The following CACNA1E variants were observed in gnomAD, a reference collection of about 807,000 sequenced individuals.
The protein encoded by CACNA1E is calcium voltage-gated channel subunit alpha1 E, also known as voltage-dependent R-type calcium channel subunit alpha-1E.
A neutral mutation model predicts 259.2 loss-of-function variants in CACNA1E; 40 were observed. That is an observed-to-expected ratio of 0.15 (90% CI 0.12 to 0.20). The LOEUF is 0.20. Among genes scored for constraint, CACNA1E ranks in the 10% least tolerant of loss-of-function variants. CACNA1E has a pLI of 1.00. For synonymous variants in CACNA1E, 1,104 were observed against 1,138.5 expected, an observed-to-expected ratio of 0.97 and a Z score of 0.61; for missense variants, 1,874 against 3,040.1, an observed-to-expected ratio of 0.62 and a Z score of 9.02.
At chr1:181,546,814 G>A (rs748249557) in intron 3 of CACNA1E, among the ~76,000 whole-genome samples, 4 of 152,218 alleles carry the variant, frequency 2.6e-5, no homozygotes, top group Non-Finnish European at 5.9e-5. Flanking sequence ...AAACCCAGGG[G>A]ATTTGGTGTC....
At chr1:181,466,037 A>C (rs892455092) in intron 2 of CACNA1E, among the ~76,000 whole-genome samples, 57 of 152,154 alleles carry the variant, frequency 3.7e-4, no homozygotes, top group African/African-American at 1.4e-3. Flanking sequence ...CACAATCCTG[A>C]GTTTTGATTT....
At chr1:181,578,951 T>G (rs1651248649) in intron 4 of CACNA1E, 121 bp from the exon 5 acceptor site, 2 of 775,992 alleles carry the variant, frequency 2.6e-6, no homozygotes, top group African/African-American at 3.5e-5. Flanking sequence ...TTCTAATAAA[T>G]TTAATCTATC....
Position 181,733,632 on chromosome 1 carries a change from G to A in CACNA1E, c.3144G>A (p.Gln1048=). ...VQLDMGRVIS[Q]SEPDLSCITA... is the part of the protein sequence containing the mutation. ...TAGACATGGGCCGGGTCATCAGCCAGAGCGAGCCTGACCTCTCCTGCATCA... is the reference window on the plus strand; with the variant it reads ...TAGACATGGGCCGGGTCATCAGCCAAAGCGAGCCTGACCTCTCCTGCATCA... The change falls in exon 21 of 48, where the codon CAG becomes CAA. Residue 1048 remains glutamine, a synonymous_variant. Transcript: ENST00000367573. 1 of 1,613,218 alleles carries A rather than the reference G, an allele frequency of 6.2e-7. No individual in the cohort carries two copies. The highest frequency in any genetic ancestry group is 8.5e-7 in the Non-Finnish European group (1 of 1,179,608).
chr1:181,609,839 G>A (rs559763767), intron 6 of CACNA1E, among the ~76,000 whole-genome samples: 1 of 152,160 alleles, frequency 6.6e-6, no homozygotes, highest in Non-Finnish European at 1.5e-5. Flanking sequence ...CAAGCAGTAC[G>A]CTGGATCTGA....
Position 181,718,089 on chromosome 1 carries a change from C to T in CACNA1E, c.1560C>T (p.Leu520=), listed in dbSNP as rs758733623. 8.1e-6 allele frequency: 13 copies of T among 1,603,778 alleles called. No individual in the cohort carries two copies. In the Admixed American group the frequency reaches 1.8e-4, roughly 23 times the overall value. The part of the protein sequence containing the change: ...YAEFLFLGLF[L]LEMSLKMYGM... ...AATTTCTGTTTCTGGGACTCTTCCT[C>T]TTGGAGATGTCCCTGAAGATGTATG... Residue 520 remains leucine (L), a synonymous_variant, in exon 12 of 48, where the codon CTC becomes CTT. Coordinates refer to ENST00000367573, the MANE Select transcript of CACNA1E (RefSeq NM_001205293.3).
At chr1:181,731,970 G>C (rs931709523) in intron 19 of CACNA1E, among the ~76,000 whole-genome samples, 1 of 151,978 alleles carries the variant, frequency 6.6e-6, no homozygotes, top group Non-Finnish European at 1.5e-5. Flanking sequence ...AGATGAGGGG[G>C]AGAGGAGGAG....
At chr1:181,549,619 G>A (rs1000387715) in intron 3 of CACNA1E, among the ~76,000 whole-genome samples, 1 of 152,328 alleles carries the variant, frequency 6.6e-6, no homozygotes, top group Admixed American at 6.5e-5. Flanking sequence ...ACTGTCTAAA[G>A]GGGGATGATG....
intron 3 of CACNA1E, among the ~76,000 whole-genome samples, chr1:181,567,655 G>A (rs765595315): frequency 3.3e-5 from 5 of 152,148 alleles, no homozygotes; most frequent in African/African-American, 1.2e-4. Context: ...CATGTTTGTG[G>A]TTCTTGGAAA....
chr1:181,419,150 A>T (rs1658518144), intron 2 of CACNA1E, among the ~76,000 whole-genome samples: 1 of 152,296 alleles, frequency 6.6e-6, no homozygotes, highest in East Asian at 1.9e-4. Flanking sequence ...TTTCTGTCCA[A>T]GAGTCTTAAG....
chr1:181,546,209 TC>T (rs1647452783), intron 3 of CACNA1E, among the ~76,000 whole-genome samples: 1 of 152,116 alleles, frequency 6.6e-6, no homozygotes, highest in Non-Finnish European at 1.5e-5. Context: ...GCGTGTGCCA[TC>T]CCTGAGCAAG....
At chr1:181,795,121 G>C in intron 46 of CACNA1E, 77 bp downstream of exon 46, 3 of 1,213,262 alleles carry the variant, frequency 2.5e-6, no homozygotes, top group Non-Finnish European at 3.5e-6. Context: ...TCCAAGGACT[G>C]TAGATAACCA....
chr1:181,534,513 G>A (rs968844196), intron 3 of CACNA1E, among the ~76,000 whole-genome samples: 1 of 152,072 alleles, frequency 6.6e-6, no homozygotes, highest in African/African-American at 2.4e-5. Flanking sequence ...ACAAAGTATG[G>A]TATTCCGCAT....
At chr1:181,785,065 C>T (rs994179661) in intron 41 of CACNA1E, among the ~76,000 whole-genome samples, 38 of 152,238 alleles carry the variant, frequency 2.5e-4, no homozygotes, top group Admixed American at 2.2e-3. Context: ...GTGATGCTTA[C>T]TCATGTACTG....
intron 42 of CACNA1E, 103 bp from the exon 43 acceptor site, chr1:181,785,610 G>A (rs565302202): frequency 8.6e-6 from 8 of 929,784 alleles, no homozygotes; most frequent in South Asian, 8.0e-5. Context: ...GTCAAACAAG[G>A]GATAAGTTAT....
chr1:181,627,237 C>T (rs1656282120), intron 6 of CACNA1E, among the ~76,000 whole-genome samples: 2 of 152,128 alleles, frequency 1.3e-5, no homozygotes, highest in Non-Finnish European at 2.9e-5. Context: ...GTTACAGGTA[C>T]TGCAGGGGTT....
At chr1:181,782,681 C>G (rs558421790) in intron 39 of CACNA1E, among the ~76,000 whole-genome samples, 2 of 152,192 alleles carry the variant, frequency 1.3e-5, no homozygotes, top group Non-Finnish European at 2.9e-5. Flanking sequence ...TGCTACCTCA[C>G]ATTGTATGGC....
chr1:181,346,070 C>T (rs1388087980), intron 1 of CACNA1E, among the ~76,000 whole-genome samples: 1 of 152,190 alleles, frequency 6.6e-6, no homozygotes, highest in African/African-American at 2.4e-5. Context: ...ATGGAGACCC[C>T]TGCACAGCTG....
intron 4 of CACNA1E, 93 bp from the exon 5 acceptor site, chr1:181,578,979 T>C: frequency 1.8e-6 from 2 of 1,093,792 alleles, no homozygotes; most frequent in Non-Finnish European, 2.6e-6. Context: ...GACGGCAGCA[T>C]GGATGAAACC....
At chr1:181,754,232 A>T (rs909487890) in intron 27 of CACNA1E, among the ~76,000 whole-genome samples, 3 of 152,212 alleles carry the variant, frequency 2.0e-5, no homozygotes, top group Non-Finnish European at 4.4e-5. Context: ...TAATTCTGTT[A>T]AATTAGAAAG....
Sources: gnomAD v4.1 joint callset for allele counts (sites outside exome capture counted in the v4.1 genomes callset) on GRCh38, gnomAD v4.1.1 for gene constraint, MANE v1.5 for transcripts, NCBI Gene and HGNC (gene_info 2026-07-23, HGNC 2026-07-21) for gene names.